DIS3L2: variants seen among roughly 807,000 people sequenced by gnomAD.
DIS3L2 encodes DIS3-like exonuclease 2.
Under a neutral mutation model 97.5 loss-of-function variants are expected in DIS3L2, and 34 were observed. The ratio of observed to expected loss-of-function variants is 0.35; its 90% confidence interval spans 0.27 to 0.46. DIS3L2 has a LOEUF of 0.46. Ranked by LOEUF, DIS3L2 falls within the 20% of genes least tolerant of loss-of-function variation. The pLI, the probability that DIS3L2 is intolerant of heterozygous loss-of-function variation, is 1.00. For missense variants in DIS3L2, 1,038 were observed against 1,146.0 expected (o/e 0.91, Z 1.36); for synonymous variants, 435 against 445.2 (o/e 0.98, Z 0.29).
chr2:232,113,585 C>T (rs1306581901), intron 6 of DIS3L2, among the ~76,000 whole-genome samples: 1 of 152,162 alleles, frequency 6.6e-6, no homozygotes, highest in Non-Finnish European at 1.5e-5. Flanking sequence ...TTAGCCAACA[C>T]CTTAAGATTA....
At chr2:232,093,260 T>G (rs1696898764) in intron 6 of DIS3L2, among the ~76,000 whole-genome samples, 1 of 152,106 alleles carries the variant, frequency 6.6e-6, no homozygotes, top group South Asian at 2.1e-4. Flanking sequence ...TGATGAATGA[T>G]CCTTTTAATG....
chr2:232,134,107 A>G (rs1698293202), intron 7 of DIS3L2, among the ~76,000 whole-genome samples: 1 of 152,006 alleles, frequency 6.6e-6, no homozygotes, highest in Non-Finnish European at 1.5e-5. Context: ...GCAGAGAATC[A>G]GTGAACTTGA....
chr2:232,025,753 C>T (rs1214095726), intron 4 of DIS3L2, among the ~76,000 whole-genome samples: 1 of 152,132 alleles, frequency 6.6e-6, no homozygotes, highest in East Asian at 1.9e-4. Context: ...AAAAACTACC[C>T]AGAAAATCTC....
At chr2:231,974,276 C>G (rs955766417) in intron 1 of DIS3L2, among the ~76,000 whole-genome samples, 1 of 152,100 alleles carries the variant, frequency 6.6e-6, no homozygotes, top group Non-Finnish European at 1.5e-5. Flanking sequence ...AGAAGGACAC[C>G]TCCCTAGGGG....
chr2:232,309,560 C>T (rs1361740447), intron 14 of DIS3L2, among the ~76,000 whole-genome samples: 2 of 152,066 alleles, frequency 1.3e-5, no homozygotes, highest in Admixed American at 1.3e-4. Context: ...CCAAGCTGGT[C>T]TCAATCTCCT....
chr2:232,232,354 A>G (rs534465179), intron 10 of DIS3L2, among the ~76,000 whole-genome samples: 1 of 152,326 alleles, frequency 6.6e-6, no homozygotes, highest in East Asian at 1.9e-4. Context: ...GTGTTTGGAA[A>G]GGGCACTGTC....
At chr2:232,245,546 A>G (rs1693224901) in intron 11 of DIS3L2, among the ~76,000 whole-genome samples, 1 of 152,236 alleles carries the variant, frequency 6.6e-6, no homozygotes, top group Non-Finnish European at 1.5e-5. Flanking sequence ...ATAACCATCT[A>G]TTTACAAAAC....
intron 10 of DIS3L2, among the ~76,000 whole-genome samples, chr2:232,213,091 A>C (rs887437260): frequency 1.3e-5 from 2 of 152,208 alleles, no homozygotes; most frequent in African/African-American, 2.4e-5. Context: ...CCGTGGAACT[A>C]TATACAAAGA....
chr2:232,274,468 C>T (rs1694089460), intron 13 of DIS3L2, among the ~76,000 whole-genome samples: 2 of 152,204 alleles, frequency 1.3e-5, no homozygotes, highest in Non-Finnish European at 2.9e-5. Context: ...ACCCTTGCAG[C>T]TGACCCTTAG....
intron 5 of DIS3L2, among the ~76,000 whole-genome samples, chr2:232,036,436 T>C (rs1694951253): frequency 6.6e-6 from 1 of 152,214 alleles, no homozygotes; most frequent in African/African-American, 2.4e-5. Context: ...TTTATCAATG[T>C]TCTTAGCTTT....
intron 1 of DIS3L2, among the ~76,000 whole-genome samples, chr2:231,970,822 T>A (rs1479485959): frequency 9.9e-6 from 1 of 100,862 alleles, no homozygotes; most frequent in African/African-American, 6.2e-5. Context: ...AACTTTAATT[T>A]TTTATATTTT....
At chr2:232,343,481 G>A (rs1216768032) in exon 14 of DIS3L2, 13 of 1,555,822 alleles carry the variant, frequency 8.4e-6, no homozygotes, top group Middle Eastern at 1.7e-4. Flanking sequence ...CCAGACACAC[G>A]ACTGTTTTTC....
At chr2:232,257,820 T>A (rs1693605911) in intron 12 of DIS3L2, among the ~76,000 whole-genome samples, 1 of 152,230 alleles carries the variant, frequency 6.6e-6, no homozygotes, top group Non-Finnish European at 1.5e-5. Context: ...GTTTGAGACA[T>A]ACTTGGTTTA....
chr2:232,325,012 C>T lies in DIS3L2; in HGVS notation c.1740-4801C>T, dbSNP rs1398502672. On this transcript the variant is annotated intron_variant, in intron 14 of 20. Transcript: ENST00000325385. The surrounding 1 kb of genome is among the most constrained non-coding windows in gnomAD (Gnocchi z 4.6). ...CCCTGGATCCCTGACTATCAAAACC[C>T]AGCCCCAGCCTTTCAGCTGAGCAGA... Among the ~76,000 whole-genome samples, 2 of 152,224 alleles carry T rather than the reference C, an allele frequency of 1.3e-5. No individual in the cohort carries two copies. Among genetic ancestry groups the T allele is most frequent in the Non-Finnish European group, 2.9e-5 (2 of 68,034 alleles).
chr2:232,084,726 A>G (rs901706087), intron 5 of DIS3L2, among the ~76,000 whole-genome samples: 2 of 151,994 alleles, frequency 1.3e-5, no homozygotes, highest in Non-Finnish European at 2.9e-5. Flanking sequence ...AGAAAATTTT[A>G]TTAAATATAC....
At chr2:232,094,718 C>CAAAAAAAAAAA (rs59253625) in intron 6 of DIS3L2, among the ~76,000 whole-genome samples, 3 of 111,452 alleles carry the variant, frequency 2.7e-5, no homozygotes, top group Admixed American at 1.0e-4. Context: ...GACTCCATCT[C>CAAAAAAAAAAA]AAAAAAAAAA....
intron 6 of DIS3L2, among the ~76,000 whole-genome samples, chr2:232,110,993 C>T (rs1267377833): frequency 2.0e-5 from 3 of 152,080 alleles, no homozygotes; most frequent in Non-Finnish European, 2.9e-5. Flanking sequence ...GTTACATTGA[C>T]TTTGCCTGCT....
At chr2:232,170,103 A>G (rs1394122395) in intron 9 of DIS3L2, among the ~76,000 whole-genome samples, 1 of 152,166 alleles carries the variant, frequency 6.6e-6, no homozygotes, top group Admixed American at 6.6e-5. Context: ...GGCTTTAAAA[A>G]AGAAAAGCAA....
chr2:232,148,554 A>G (rs1291319638), intron 8 of DIS3L2, among the ~76,000 whole-genome samples: 2 of 152,196 alleles, frequency 1.3e-5, no homozygotes, highest in Admixed American at 6.5e-5. Context: ...ATTACTACTA[A>G]TAGGAACTTG....
Sources: gnomAD v4.1 joint callset for allele counts (sites outside exome capture counted in the v4.1 genomes callset) on GRCh38, gnomAD v4.1.1 for gene constraint, Gnocchi (gnomAD v3.1) non-coding constraint, MANE v1.5 for transcripts, NCBI Gene and HGNC (gene_info 2026-07-23, HGNC 2026-07-21) for gene names.